Variants in ARHGAP10 observed in about 807,000 individuals in gnomAD.
ARHGAP10 encodes the protein rho GTPase-activating protein 10.
A neutral mutation model predicts 108.6 loss-of-function variants in ARHGAP10; 87 were observed. That is an observed-to-expected ratio of 0.80 (90% CI 0.67 to 0.96). The LOEUF (loss-of-function observed/expected upper bound fraction) is 0.96. ARHGAP10 is among the 40% of genes least tolerant of loss of function. ARHGAP10 has a pLI of 0.00. For synonymous variants in ARHGAP10, 347 were observed against 341.1 expected, an observed-to-expected ratio of 1.02 and a Z score of -0.19; for missense variants, 939 against 954.5, an observed-to-expected ratio of 0.98 and a Z score of 0.21.
At chr4:147,942,674 T>C (rs1738203673) in intron 14 of ARHGAP10, among the ~76,000 whole-genome samples, 1 of 152,136 alleles carries the variant, frequency 6.6e-6, no homozygotes, top group East Asian at 1.9e-4. Flanking sequence ...TGGCATGAAA[T>C]AGCAATGACA....
intron 6 of ARHGAP10, 38 bp downstream of exon 6, chr4:147,864,994 A>C (rs1734493259): frequency 6.6e-7 from 1 of 1,523,042 alleles, no homozygotes; most frequent in Non-Finnish European, 9.1e-7. Context: ...GGATTTTTGC[A>C]ATGTAAGATA....
In ARHGAP10 at chr4:147,935,157, G is replaced by A. The variant is rs1011775716; in HGVS notation, c.1229-4668G>A. On this transcript the variant is annotated intron_variant, in intron 13 of 22. Transcript: ENST00000336498. Reference sequence around the variant, plus strand: ...GTTATTTGTGGGTGATGGTCGAGCTGTCTGTTGTGATTAAGTTGAATACAC... The same window carrying A: ...GTTATTTGTGGGTGATGGTCGAGCTATCTGTTGTGATTAAGTTGAATACAC... 3.3e-5 allele frequency among the ~76,000 whole-genome samples: 5 copies of A among 152,134 alleles called. No homozygotes were observed. The East Asian group carries it at 5.8e-4, about 18-fold the overall frequency.
At chr4:147,889,865 A>G (rs77296211) in intron 10 of ARHGAP10, among the ~76,000 whole-genome samples, 2,343 of 152,292 alleles carry the variant, frequency 0.015, 56 homozygotes, top group African/African-American at 0.052. Context: ...GTTGCATGTA[A>G]CAGAAAAAGT....
intron 13 of ARHGAP10, among the ~76,000 whole-genome samples, chr4:147,933,831 A>G (rs564458223): frequency 3.9e-5 from 6 of 152,292 alleles, no homozygotes; most frequent in Non-Finnish European, 8.8e-5. Context: ...GCTGTGGGGC[A>G]GAGGCTGGAG....
chr4:147,841,019 C>T (rs1437645839), intron 3 of ARHGAP10, among the ~76,000 whole-genome samples: 5 of 152,220 alleles, frequency 3.3e-5, no homozygotes, highest in Admixed American at 6.5e-5. Context: ...AGTCAAGTTT[C>T]GTTGGAACAC....
chr4:147,748,827 C>T (rs1333570605), intron 1 of ARHGAP10, among the ~76,000 whole-genome samples: 1 of 152,040 alleles, frequency 6.6e-6, no homozygotes, highest in South Asian at 2.1e-4. Flanking sequence ...GGCGTGGGGG[C>T]ACACACCTGT....
chr4:147,894,064 A>G (rs1016727639), intron 10 of ARHGAP10, among the ~76,000 whole-genome samples: 7 of 152,214 alleles, frequency 4.6e-5, no homozygotes, highest in Admixed American at 2.0e-4. Flanking sequence ...GCTTTTCTGA[A>G]AATAAAGCCA....
chr4:147,826,226 G>A (rs1050786876), intron 3 of ARHGAP10, among the ~76,000 whole-genome samples: 1 of 152,214 alleles, frequency 6.6e-6, no homozygotes, highest in African/African-American at 2.4e-5. Context: ...GAAATAGAGC[G>A]ATGAGGTCCA....
At position 147,877,852 on chromosome 4, in the gene ARHGAP10, G is replaced by T. The variant is rs368481148; in HGVS notation, c.833-1380G>T. Among the ~76,000 whole-genome samples, 12 of 134,966 alleles carry T rather than the reference G, an allele frequency of 8.9e-5. No individual in the cohort carries two copies. The East Asian group carries it at 2.8e-3, about 31-fold the overall frequency. 88.5% of individuals were successfully genotyped at this position (134,966 alleles called of 152,430 possible). A position where few individuals can be genotyped will look rare whatever the true frequency, so the allele number is the denominator to read the frequency against. ...TTTTTTTTGCTGAGATTACAGGCAT[G>T]AGCCACGAGGCCCAGCCATTCTCTT... On this transcript the variant is annotated intron_variant, in intron 8 of 22. Coordinates refer to ENST00000336498, the MANE Select transcript of ARHGAP10 (RefSeq NM_024605.4).
At chr4:147,807,962 G>C (rs1002783273) in intron 1 of ARHGAP10, among the ~76,000 whole-genome samples, 3 of 152,210 alleles carry the variant, frequency 2.0e-5, no homozygotes, top group Non-Finnish European at 4.4e-5. Flanking sequence ...GTTAAATCCA[G>C]AGTATCAGTA....
rs1553946993 is a variant in ARHGAP10, at chr4:147,762,499, C to CTTATTTGT, written c.154+30050_154+30051insGTTTATTT. ...TGAACTAGCAAAAAAAAGATAATTG[C>CTTATTTGT]TTATTTATTTATTTATTTATTTTTA... is the stretch of plus-strand genomic sequence containing the variant. On this transcript the variant is annotated intron_variant, in intron 1 of 22. Coordinates refer to ENST00000336498, the MANE Select transcript of ARHGAP10 (RefSeq NM_024605.4). Among the ~76,000 whole-genome samples the CTTATTTGT allele has an allele frequency of 2.7e-5, 4 of 147,974 alleles. No individual in the cohort carries two copies. The East Asian group carries it at 7.8e-4, about 29-fold the overall frequency.
intron 18 of ARHGAP10, among the ~76,000 whole-genome samples, chr4:147,980,178 A>G (rs1739756684): frequency 6.6e-6 from 1 of 152,126 alleles, no homozygotes; most frequent in South Asian, 2.1e-4. Context: ...TTCATCATAA[A>G]TGGCTTTTAT....
chr4:147,795,879 A>G (rs1579055846), intron 1 of ARHGAP10, among the ~76,000 whole-genome samples: 1 of 151,564 alleles, frequency 6.6e-6, no homozygotes, highest in Non-Finnish European at 1.5e-5. Flanking sequence ...ATTTTTAGTA[A>G]AGATGGGGTT....
At chr4:148,043,289 T>C (rs1015681904) in intron 19 of ARHGAP10, among the ~76,000 whole-genome samples, 1 of 152,042 alleles carries the variant, frequency 6.6e-6, no homozygotes, top group African/African-American at 2.4e-5. Flanking sequence ...TGTTCATAAA[T>C]CCTTTGGTAC....
At chr4:147,762,499 C>CTTGCTTAT (rs1553946990) in intron 1 of ARHGAP10, among the ~76,000 whole-genome samples, 1 of 147,972 alleles carries the variant, frequency 6.8e-6, no homozygotes, top group Non-Finnish European at 1.5e-5. Context: ...AAGATAATTG[C>CTTGCTTAT]TTATTTATTT....
intron 16 of ARHGAP10, among the ~76,000 whole-genome samples, chr4:147,958,211 A>G (rs1362297368): frequency 1.3e-5 from 2 of 152,184 alleles, no homozygotes; most frequent in Non-Finnish European, 2.9e-5. Context: ...TTTTGGCCTC[A>G]AAGTCCTTGC....
At chr4:147,759,009 AT>A (rs944856213) in intron 1 of ARHGAP10, among the ~76,000 whole-genome samples, 6 of 149,668 alleles carry the variant, frequency 4.0e-5, no homozygotes, top group African/African-American at 1.5e-4. Context: ...CAGGTGGTAT[AT>A]TTTTTATGCA....
intron 18 of ARHGAP10, among the ~76,000 whole-genome samples, chr4:148,009,425 C>T (rs1741088255): frequency 6.6e-6 from 1 of 152,172 alleles, no homozygotes; most frequent in Non-Finnish European, 1.5e-5. Flanking sequence ...AGGCGCCATG[C>T]CTGGCCGAGA....
At chr4:148,050,155 C>T (rs548242038) in intron 20 of ARHGAP10, among the ~76,000 whole-genome samples, 1 of 152,114 alleles carries the variant, frequency 6.6e-6, no homozygotes, top group Admixed American at 6.5e-5. Flanking sequence ...GCGTGAGCTA[C>T]CGTGCCCTGC....
Sources: allele counts gnomAD v4.1 joint callset (sites outside exome capture counted in the v4.1 genomes callset), GRCh38; gene constraint gnomAD v4.1.1; transcripts MANE v1.5; gene names NCBI Gene and HGNC (gene_info 2026-07-23, HGNC 2026-07-21).